FAM118B: variants seen among roughly 807,000 people sequenced by gnomAD.
The protein encoded by FAM118B is SIR2 antiphage like 1, also known as protein FAM118B.
FAM118B carries 24 observed loss-of-function variants against 38.5 expected under a neutral mutation model. The observed-to-expected ratio is 0.62, with a 90% CI of 0.45 to 0.88. The LOEUF is 0.88. Ranked by LOEUF, FAM118B falls within the 40% of genes least tolerant of loss-of-function variation. The pLI is 0.00. For missense variants in FAM118B, 334 were observed against 420.0 expected, an observed-to-expected ratio of 0.80 and a Z score of 1.79; for synonymous variants, 138 against 156.3, an observed-to-expected ratio of 0.88 and a Z score of 0.87.
chr11:126,233,646 C>T (rs1242977661), intron 2 of FAM118B: 10 of 439,414 alleles, frequency 2.3e-5, no homozygotes, highest in Non-Finnish European at 3.6e-5. Flanking sequence ...TAACTCACTA[C>T]TGTGACTGTA....
Position 126,261,411 on chromosome 11 carries a change from T to C in FAM118B, c.983-14T>C. 1 of 1,612,724 alleles carries C rather than the reference T, an allele frequency of 6.2e-7. No individual in the cohort carries two copies. Among genetic ancestry groups the C allele is most frequent in the Non-Finnish European group, 8.5e-7 (1 of 1,178,762 alleles). ...TTTTCAGTCTAATGTCTGATGCTGA[T>C]GTCCTCTATTTAGCAGGGATGGTGA... On this transcript the variant is annotated splice_polypyrimidine_tract_variant and intron_variant, in intron 7 of 8. Transcript: ENST00000533050.
intron 7 of FAM118B, among the ~76,000 whole-genome samples, chr11:126,257,458 A>T (rs1413891655): frequency 6.6e-6 from 1 of 152,200 alleles, no homozygotes; most frequent in Non-Finnish European, 1.5e-5. Context: ...AGATATGCCA[A>T]TATTTATTTA....
chr11:126,256,738 C>T lies in FAM118B; in HGVS notation c.868C>T (p.Arg290Ter), dbSNP rs1432156143. 3.7e-6 allele frequency: 6 copies of T among 1,614,110 alleles called. No homozygotes were observed. Among genetic ancestry groups the T allele is most frequent in the Non-Finnish European group, 4.2e-6 (5 of 1,180,026 alleles). The change falls in exon 7 of 9, where the codon CGA becomes TGA. Residue 290 changes from arginine (R) to a stop codon, truncating the protein, a stop_gained. Coordinates refer to ENST00000533050, the MANE Select transcript of FAM118B (RefSeq NM_024556.4). LOFTEE classifies it high-confidence loss of function. This position sits in a 1 kb window ranked among gnomAD's most constrained non-coding sequence, Gnocchi z 6.6. The part of the protein sequence containing the change: ...RGDVDEFKKL[R>*]ENMLDKGIKV... Reference sequence around the variant, plus strand: ...AGACGTAGATGAGTTCAAAAAGCTTCGAGAAAACATGCTGGACAAGGGGAT... The same window carrying T: ...AGACGTAGATGAGTTCAAAAAGCTTTGAGAAAACATGCTGGACAAGGGGAT...
intron 1 of FAM118B, among the ~76,000 whole-genome samples, chr11:126,226,934 A>C (rs1950149989): frequency 7.6e-6 from 1 of 132,436 alleles, no homozygotes; most frequent in African/African-American, 2.9e-5. Context: ...TGCCTGGGCA[A>C]CAGTGAGACC....
intron 3 of FAM118B, among the ~76,000 whole-genome samples, chr11:126,238,342 G>A (rs938663931): frequency 2.0e-5 from 3 of 151,940 alleles, no homozygotes; most frequent in Non-Finnish European, 4.4e-5. Flanking sequence ...AAAAAAAAAA[G>A]CCAGTTGGAG....
At chr11:126,258,027 C>G (rs934144743) in intron 7 of FAM118B, among the ~76,000 whole-genome samples, 1 of 152,134 alleles carries the variant, frequency 6.6e-6, no homozygotes, top group Non-Finnish European at 1.5e-5. Flanking sequence ...CCATCTAATT[C>G]CAAAAAAACT....
At chr11:126,238,905 A>T (rs929506971) in intron 3 of FAM118B, among the ~76,000 whole-genome samples, 2 of 150,272 alleles carry the variant, frequency 1.3e-5, no homozygotes, top group Non-Finnish European at 3.0e-5. Context: ...AGTAACTATT[A>T]TTTGGTGGTT....
intron 1 of FAM118B, among the ~76,000 whole-genome samples, chr11:126,212,305 T>C (rs911475869): frequency 6.6e-6 from 1 of 152,210 alleles, no homozygotes; most frequent in African/African-American, 2.4e-5. Flanking sequence ...TCCTCAAGAA[T>C]TCATTTCTTG....
intron 2 of FAM118B, among the ~76,000 whole-genome samples, chr11:126,232,681 G>GT (rs1439274414): frequency 2.0e-5 from 3 of 150,730 alleles, no homozygotes; most frequent in Non-Finnish European, 4.4e-5. Context: ...ATTTTTTTAA[G>GT]TTTTTTAAAG....
chr11:126,256,518 C>T lies in FAM118B; in HGVS notation c.697-49C>T, dbSNP rs1950581327. On this transcript the variant is annotated intron_variant, in intron 6 of 8. Coordinates refer to ENST00000533050, the MANE Select transcript of FAM118B (RefSeq NM_024556.4). The surrounding 1 kb of genome is among the most constrained non-coding windows in gnomAD (Gnocchi z 6.6). Reference sequence around the variant, plus strand: ...GCATGACCTTCTTGTTTCAGACTTGCCTTGAGTGTGTCTTCACAATGTCAA... The same window carrying T: ...GCATGACCTTCTTGTTTCAGACTTGTCTTGAGTGTGTCTTCACAATGTCAA... 6.4e-7 allele frequency: 1 copy of T among 1,572,056 alleles called. No homozygotes were observed. Among genetic ancestry groups the T allele is most frequent in the Non-Finnish European group, 8.7e-7 (1 of 1,151,300 alleles).
At chr11:126,248,387 T>TTTTTA (rs1950447584) in intron 4 of FAM118B, among the ~76,000 whole-genome samples, 1 of 141,208 alleles carries the variant, frequency 7.1e-6, no homozygotes. Flanking sequence ...TTTTTTTTTT[T>TTTTTA]GAGATGGAGT....
rs1458377971 is a variant in FAM118B at position 126,253,464 on chromosome 11, G to A, written c.568-841G>A. Among the ~76,000 whole-genome samples, 1 of 152,176 alleles carries A rather than the reference G, an allele frequency of 6.6e-6. No homozygotes were observed. The highest frequency in any genetic ancestry group is 2.1e-4 in the South Asian group (1 of 4,832). On this transcript the variant is annotated intron_variant, in intron 5 of 8. Transcript: ENST00000533050. The surrounding 1 kb of genome is among the most constrained non-coding windows in gnomAD (Gnocchi z 5.1). ...TGCATTCGCTGTTGTCTAAATGATT[G>A]TTCTTCGCTGGCAGCCTTTTAGGTT...
chr11:126,249,396 T>C (rs1203424595), intron 4 of FAM118B, among the ~76,000 whole-genome samples: 2 of 152,178 alleles, frequency 1.3e-5, no homozygotes, highest in Non-Finnish European at 2.9e-5. Context: ...AAGCAGTTTT[T>C]CCTAAATTCA....
chr11:126,220,677 C>T (rs1463450111), intron 1 of FAM118B, among the ~76,000 whole-genome samples: 3 of 152,102 alleles, frequency 2.0e-5, no homozygotes, highest in Admixed American at 1.3e-4. Flanking sequence ...ATCTTGCCGT[C>T]CTGGGGAACA....
chr11:126,226,588 C>T (rs1283683443), intron 1 of FAM118B, among the ~76,000 whole-genome samples: 1 of 152,224 alleles, frequency 6.6e-6, no homozygotes, highest in African/African-American at 2.4e-5. Context: ...ATATAGATCA[C>T]CCCCAAATCT....
At chr11:126,214,075 G>A (rs908617316) in intron 1 of FAM118B, among the ~76,000 whole-genome samples, 6 of 152,188 alleles carry the variant, frequency 3.9e-5, no homozygotes, top group South Asian at 4.1e-4. Context: ...GTGGCCGGGC[G>A]CGGTGGCCCA....
chr11:126,224,673 C>A (rs1687323527), intron 1 of FAM118B, among the ~76,000 whole-genome samples: 1 of 151,992 alleles, frequency 6.6e-6, no homozygotes, highest in African/African-American at 2.4e-5. Flanking sequence ...TGTACAGATA[C>A]ATAGAGAAAG....
At position 126,256,432 on chromosome 11, in the gene FAM118B, G is replaced by A; in HGVS notation, c.697-135G>A. 5.8e-6 allele frequency: 4 copies of A among 694,752 alleles called. No individual in the cohort carries two copies. The highest frequency in any genetic ancestry group is 9.6e-6 in the Non-Finnish European group (4 of 418,430). 43.0% of individuals were successfully genotyped at this position (694,752 alleles called of 1,614,324 possible). A position where few individuals can be genotyped will look rare whatever the true frequency, so the allele number is the denominator to read the frequency against. Reference sequence around the variant, plus strand: ...CAATAAGCAAGAGATCACACTCCTTGATGGGACATACCAACCCACTTAAGT... The same window carrying A: ...CAATAAGCAAGAGATCACACTCCTTAATGGGACATACCAACCCACTTAAGT... On this transcript the variant is annotated intron_variant, in intron 6 of 8. Coordinates refer to ENST00000533050, the MANE Select transcript of FAM118B (RefSeq NM_024556.4). This position sits in a 1 kb window ranked among gnomAD's most constrained non-coding sequence, Gnocchi z 6.6.
intron 3 of FAM118B, 134 bp from the exon 4 acceptor site, chr11:126,240,658 G>C: frequency 1.3e-6 from 1 of 790,302 alleles, no homozygotes; most frequent in Non-Finnish European, 2.0e-6. Flanking sequence ...CTTTGGAAAG[G>C]TGTCAAAAAC....
Sources: gnomAD v4.1 joint callset for allele counts (sites outside exome capture counted in the v4.1 genomes callset) on GRCh38, gnomAD v4.1.1 for gene constraint, Gnocchi (gnomAD v3.1) non-coding constraint, MANE v1.5 for transcripts, NCBI Gene and HGNC (gene_info 2026-07-23, HGNC 2026-07-21) for gene names.